TSHZ2: variants seen among roughly 807,000 people sequenced by gnomAD.
TSHZ2 encodes the protein teashirt homolog 2.
Under a neutral mutation model 74.4 loss-of-function variants are expected in TSHZ2, and 21 were observed. The ratio of observed to expected loss-of-function variants is 0.28; its 90% CI spans 0.20 to 0.41. TSHZ2 has a LOEUF of 0.41. Among genes scored for constraint, TSHZ2 ranks in the 10% least tolerant of loss-of-function variants. The pLI, the probability that TSHZ2 is intolerant of heterozygous loss-of-function variation, is 1.00. For missense variants in TSHZ2, 1,244 were observed against 1,293.5 expected (o/e 0.96, Z 0.59); for synonymous variants, 540 against 515.3 (o/e 1.05, Z -0.65).
chr20:53,436,542 A>ATTTT (rs1227006046), intron 2 of TSHZ2, among the ~76,000 whole-genome samples: 40 of 98,864 alleles, frequency 4.0e-4, no homozygotes, highest in East Asian at 6.6e-4. Flanking sequence ...TATTATTATT[A>ATTTT]TTATTATTTT....
intron 2 of TSHZ2, among the ~76,000 whole-genome samples, chr20:53,321,788 G>T (rs1242691221): frequency 6.6e-6 from 1 of 151,994 alleles, no homozygotes; most frequent in Non-Finnish European, 1.5e-5. Context: ...CTCATCTAAA[G>T]GAGTGGCTGC....
chr20:53,014,535 C>T (rs938955539), intron 1 of TSHZ2, among the ~76,000 whole-genome samples: 1 of 152,118 alleles, frequency 6.6e-6, no homozygotes, highest in African/African-American at 2.4e-5. Context: ...CACCTGGATT[C>T]CTGCTGCTCA....
chr20:53,193,461 C>G (rs950135482), intron 1 of TSHZ2, among the ~76,000 whole-genome samples: 1 of 152,152 alleles, frequency 6.6e-6, no homozygotes, highest in African/African-American at 2.4e-5. Flanking sequence ...AACACACCCC[C>G]TTTTGTAACA....
At chr20:53,084,656 T>G (rs573198229) in intron 1 of TSHZ2, among the ~76,000 whole-genome samples, 2 of 84,788 alleles carry the variant, frequency 2.4e-5, no homozygotes, top group South Asian at 1.5e-3. Context: ...TCTCCCTCTC[T>G]CCTTCTCTCC....
At chr20:53,274,319 T>C (rs147452786) in intron 2 of TSHZ2, among the ~76,000 whole-genome samples, 4 of 152,290 alleles carry the variant, frequency 2.6e-5, no homozygotes, top group African/African-American at 7.2e-5. Flanking sequence ...TCTCCAGGAA[T>C]TACGAAGTGT....
intron 1 of TSHZ2, among the ~76,000 whole-genome samples, chr20:53,095,688 G>A (rs578142028): frequency 5.5e-4 from 84 of 152,204 alleles, no homozygotes; most frequent in African/African-American, 2.0e-3. Context: ...TCGTTATGGG[G>A]CTGTCTCGTG....
chr20:53,473,578 G>A (rs1172661144), intron 2 of TSHZ2, among the ~76,000 whole-genome samples: 1 of 142,066 alleles, frequency 7.0e-6, no homozygotes, highest in Non-Finnish European at 1.5e-5. Flanking sequence ...AGAAAAACTG[G>A]AAACTCTAAA....
chr20:53,377,369 A>G (rs1311567024), intron 2 of TSHZ2, among the ~76,000 whole-genome samples: 1 of 152,212 alleles, frequency 6.6e-6, no homozygotes, highest in African/African-American at 2.4e-5. Context: ...ACAGTCCCCA[A>G]GCAAATCAGA....
chr20:53,016,491 T>C (rs1221713101), intron 1 of TSHZ2, among the ~76,000 whole-genome samples: 3 of 152,200 alleles, frequency 2.0e-5, no homozygotes, highest in Non-Finnish European at 2.9e-5. Flanking sequence ...GAACAGAGCC[T>C]TAGCCTGTCT....
At chr20:53,369,202 C>G (rs573253295) in intron 2 of TSHZ2, among the ~76,000 whole-genome samples, 2 of 152,198 alleles carry the variant, frequency 1.3e-5, no homozygotes, top group East Asian at 3.9e-4. Context: ...GAGGTCATGA[C>G]TGTAATGAGC....
intron 2 of TSHZ2, among the ~76,000 whole-genome samples, chr20:53,430,139 C>G (rs781448177): frequency 6.6e-6 from 1 of 152,196 alleles, no homozygotes; most frequent in Non-Finnish European, 1.5e-5. Context: ...GAGTCTCACT[C>G]TGTCACCCAG....
intron 1 of TSHZ2, among the ~76,000 whole-genome samples, chr20:53,019,252 T>C (rs1983149841): frequency 1.3e-5 from 2 of 151,644 alleles, no homozygotes. Flanking sequence ...GCCTGGGTTT[T>C]TTTTTTTTTC....
At chr20:53,267,235 A>G (rs1026726194) in intron 2 of TSHZ2, among the ~76,000 whole-genome samples, 1 of 152,120 alleles carries the variant, frequency 6.6e-6, no homozygotes, top group African/African-American at 2.4e-5. Flanking sequence ...CCTCAGAGCT[A>G]GTGAGCTGAA....
chr20:53,210,226 A>T (rs544146079), intron 1 of TSHZ2, among the ~76,000 whole-genome samples: 1 of 152,188 alleles, frequency 6.6e-6, no homozygotes, highest in Non-Finnish European at 1.5e-5. Context: ...CCATCCACGG[A>T]TGGCTAGAGC....
intron 2 of TSHZ2, among the ~76,000 whole-genome samples, chr20:53,450,896 A>C (rs1054997570): frequency 2.1e-4 from 26 of 121,102 alleles, no homozygotes; most frequent in African/African-American, 9.9e-4. Context: ...AGTGGCTTTA[A>C]GGATTTATTT....
At chr20:53,038,669 C>T (rs755702140) in intron 1 of TSHZ2, among the ~76,000 whole-genome samples, 2 of 152,130 alleles carry the variant, frequency 1.3e-5, no homozygotes, top group African/African-American at 2.4e-5. Flanking sequence ...CTACACCAAC[C>T]GCTTTTTAAC....
intron 1 of TSHZ2, among the ~76,000 whole-genome samples, chr20:53,105,233 G>A (rs1414769560): frequency 6.6e-6 from 1 of 152,166 alleles, no homozygotes; most frequent in Non-Finnish European, 1.5e-5. Context: ...GTTTACCCCT[G>A]ACTTTATCAT....
At position 53,489,373 on chromosome 20, in the gene TSHZ2, A is replaced by C; in HGVS notation, c.*2238A>C. 1 of 346,614 alleles carries C rather than the reference A, an allele frequency of 2.9e-6. No homozygotes were observed. The highest frequency in any genetic ancestry group is 5.7e-6 in the Non-Finnish European group (1 of 175,986). 21.5% of individuals were successfully genotyped at this position (346,614 alleles called of 1,614,324 possible). ...AAGGGTGGACTGGACTCTACTGAGC[A>C]CCGTCCTTCAACAAGGAAATTCTAT... On this transcript the variant is annotated 3_prime_UTR_variant, in exon 3 of 3. Coordinates refer to ENST00000371497, the MANE Select transcript of TSHZ2 (RefSeq NM_173485.6).
At chr20:53,332,489 C>T (rs1979766181) in intron 2 of TSHZ2, among the ~76,000 whole-genome samples, 1 of 152,124 alleles carries the variant, frequency 6.6e-6, no homozygotes, top group Non-Finnish European at 1.5e-5. Context: ...AAGGAATTCA[C>T]ACATGATCCT....
Sources: gnomAD v4.1 joint callset for allele counts (sites outside exome capture counted in the v4.1 genomes callset) on GRCh38, gnomAD v4.1.1 for gene constraint, MANE v1.5 for transcripts, NCBI Gene and HGNC (gene_info 2026-07-23, HGNC 2026-07-21) for gene names.